LNPEP: variants seen among roughly 807,000 people sequenced by gnomAD.
The protein encoded by LNPEP is leucyl and cystinyl aminopeptidase, also known as leucyl-cystinyl aminopeptidase.
LNPEP carries 64 observed loss-of-function variants against 120.6 expected under a neutral mutation model. The ratio of observed to expected loss-of-function variants is 0.53; its 90% CI spans 0.43 to 0.65. The LOEUF (loss-of-function observed/expected upper bound fraction) is 0.65, where lower values mean the gene tolerates loss of function less well. Among genes scored for constraint, LNPEP ranks in the 30% least tolerant of loss-of-function variants. LNPEP has a pLI of 0.00. For synonymous variants in LNPEP, 435 were observed against 425.4 expected, an observed-to-expected ratio of 1.02 and a Z score of -0.28; for missense variants, 1,057 against 1,200.0, an observed-to-expected ratio of 0.88 and a Z score of 1.76.
chr5:97,024,534 G>A lies in LNPEP; in HGVS notation c.2575G>A (p.Val859Ile). 2.5e-6 allele frequency: 4 copies of A among 1,613,844 alleles called. No individual in the cohort carries two copies. Among genetic ancestry groups the A allele is most frequent in the Non-Finnish European group, 3.4e-6 (4 of 1,179,832 alleles). ...SNGTQSLPTD[V>I]MTTVFKVGAK... ...CCTCTCTTACAGCCTACCTACTGAT[G>A]TCATGACAACTGTGTTCAAAGTTGG... Residue 859 changes from valine to isoleucine, a missense_variant, in exon 15 of 18, where the codon GTC (valine) becomes ATC (isoleucine). By Grantham distance (29) the Val-to-Ile change is conservative. Transcript: ENST00000231368.
rs188088594 is a variant in LNPEP, at chr5:96,946,861, A to G, written c.19+10687A>G. Among the ~76,000 whole-genome samples, 140 of 152,310 alleles carry G rather than the reference A, an allele frequency of 9.2e-4. 1 individual carries two copies. The highest frequency in any genetic ancestry group is 3.2e-3 in the African/African-American group (134 of 41,574). On this transcript the variant is annotated intron_variant, in intron 1 of 17. Coordinates refer to ENST00000231368, the MANE Select transcript of LNPEP (RefSeq NM_005575.3). ...ATCTGGCAAATAAATGTATTCACCA[A>G]CTGAGATTTCTTGTTTAACTCACAA...
At chr5:96,997,919 A>G (rs1385279493) in intron 7 of LNPEP, 95 bp from the exon 8 acceptor site, 3 of 850,894 alleles carry the variant, frequency 3.5e-6, no homozygotes, top group African/African-American at 3.5e-5. Flanking sequence ...TCCTAATGAT[A>G]TTTCACACTA....
chr5:96,982,472 T>G (rs1790149319), intron 2 of LNPEP, among the ~76,000 whole-genome samples: 1 of 152,230 alleles, frequency 6.6e-6, no homozygotes. Flanking sequence ...TTATGTGAGA[T>G]AGTTATGATT....
At chr5:96,963,467 A>G (rs910971367) in intron 1 of LNPEP, among the ~76,000 whole-genome samples, 2 of 152,178 alleles carry the variant, frequency 1.3e-5, no homozygotes, top group Non-Finnish European at 2.9e-5. Flanking sequence ...TTTCACTCAT[A>G]TCTGCCAGTT....
chr5:96,987,297 G>A (rs1419760342), intron 4 of LNPEP, among the ~76,000 whole-genome samples: 2 of 152,090 alleles, frequency 1.3e-5, no homozygotes, highest in Non-Finnish European at 2.9e-5. Context: ...TTTCATAGTA[G>A]AAACCTAATA....
intron 1 of LNPEP, among the ~76,000 whole-genome samples, chr5:96,947,201 G>A (rs1789205668): frequency 6.6e-6 from 1 of 151,976 alleles, no homozygotes; most frequent in Non-Finnish European, 1.5e-5. Context: ...AATCTAACAG[G>A]GGCCCTAAGC....
Position 97,022,513 on chromosome 5 carries a change from A to G in LNPEP, c.2561+29A>G, listed in dbSNP as rs1791228983. 4 of 1,551,774 alleles carry G rather than the reference A, an allele frequency of 2.6e-6. No individual in the cohort carries two copies. In the East Asian group the frequency reaches 9.0e-5, roughly 35 times the overall value. On this transcript the variant is annotated intron_variant, in intron 14 of 17. Transcript: ENST00000231368. ...AAGTATACCTCTACTCAGATGAATT[A>G]TCTTCTTTTTCTTTATTTCACATCA... is the stretch of plus-strand genomic sequence containing the variant.
At chr5:96,980,730 C>T (rs1790102729) in intron 2 of LNPEP, among the ~76,000 whole-genome samples, 1 of 152,106 alleles carries the variant, frequency 6.6e-6, no homozygotes. Flanking sequence ...CTGCTTTATG[C>T]AATTGGAACA....
chr5:96,971,214 T>A (rs1789850807), intron 1 of LNPEP, among the ~76,000 whole-genome samples: 1 of 152,046 alleles, frequency 6.6e-6, no homozygotes, highest in Non-Finnish European at 1.5e-5. Flanking sequence ...GCCTCCACCG[T>A]TGACATGAGA....
chr5:97,021,795 C>T (rs931773979), intron 13 of LNPEP, among the ~76,000 whole-genome samples: 2 of 150,448 alleles, frequency 1.3e-5, no homozygotes, highest in African/African-American at 2.5e-5. Context: ...TCATCCCAGC[C>T]GTATGTGGGT....
intron 13 of LNPEP, among the ~76,000 whole-genome samples, chr5:97,016,294 T>C (rs1791068377): frequency 6.6e-6 from 1 of 152,162 alleles, no homozygotes; most frequent in Non-Finnish European, 1.5e-5. Context: ...GTAGTGACAC[T>C]CAGTAAACGT....
At position 96,986,667 on chromosome 5, in the gene LNPEP, C is replaced by T. The variant is rs1790251295; in HGVS notation, c.1128C>T (p.Thr376=). ...ACCTGAGTCAGGACGTAAATGGAACCCTGGTATGTTGATGTGGTAATTGTC... is the reference window on the plus strand; with the variant it reads ...ACCTGAGTCAGGACGTAAATGGAACTCTGGTATGTTGATGTGGTAATTGTC... The part of the protein sequence containing the change: ...MKNLSQDVNG[T]LVSIYAVPEK... The change falls in exon 4 of 18, where the codon ACC becomes ACT. Residue 376 remains threonine (T), a synonymous_variant. Transcript: ENST00000231368. 6.2e-7 allele frequency: 1 copy of T among 1,613,084 alleles called. No homozygotes were observed. Among genetic ancestry groups the T allele is most frequent in the Non-Finnish European group, 8.5e-7 (1 of 1,179,370 alleles).
intron 11 of LNPEP, among the ~76,000 whole-genome samples, chr5:97,013,217 GAAGAA>G (rs1790982505): frequency 6.6e-6 from 1 of 152,098 alleles, no homozygotes; most frequent in Non-Finnish European, 1.5e-5. Context: ...AGGTCTCTTA[GAAGAA>G]TGACAACTTA....
intron 13 of LNPEP, among the ~76,000 whole-genome samples, chr5:97,015,450 T>C (rs1791044718): frequency 6.6e-6 from 1 of 152,040 alleles, no homozygotes; most frequent in African/African-American, 2.4e-5. Flanking sequence ...TTTCTAGTGG[T>C]CATTATAAAA....
chr5:96,980,069 A>AT (rs574179152), intron 2 of LNPEP, 91 bp downstream of exon 2: 56,635 of 1,053,242 alleles, frequency 0.054, 497 homozygotes, highest in Middle Eastern at 0.094. Context: ...ACGAATTGTG[A>AT]TTTTTTTTTT....
Position 97,036,269 on chromosome 5 carries a change from C to A in LNPEP, c.*7736C>A, listed in dbSNP as rs933043867. 2.8e-5 allele frequency: 4 copies of A among 141,104 alleles called. No homozygotes were observed. Among genetic ancestry groups the A allele is most frequent in the Admixed American group, 1.4e-4 (2 of 13,904 alleles). 8.7% of individuals were successfully genotyped at this position (141,104 alleles called of 1,614,324 possible). ...AAGGAATTTTCTATCTTTCATCCCC[C>A]ACATGTGGCAAGACAAGTTGGCCCT... On this transcript the variant is annotated 3_prime_UTR_variant, in exon 18 of 18. Coordinates refer to ENST00000231368, the MANE Select transcript of LNPEP (RefSeq NM_005575.3).
intron 1 of LNPEP, among the ~76,000 whole-genome samples, chr5:96,966,126 G>A (rs1229335806): frequency 6.6e-6 from 1 of 152,034 alleles, no homozygotes; most frequent in Admixed American, 6.6e-5. Flanking sequence ...GCACTGTAAT[G>A]TTGATTTTTT....
chr5:96,942,477 A>G (rs948345054), intron 1 of LNPEP: 1 of 152,088 alleles, frequency 6.6e-6, no homozygotes, highest in African/African-American at 2.4e-5. Flanking sequence ...AACATGGTGA[A>G]ACCCTGTCTC....
At chr5:97,008,458 C>T (rs1203202171) in intron 11 of LNPEP, among the ~76,000 whole-genome samples, 3 of 146,474 alleles carry the variant, frequency 2.0e-5, no homozygotes, top group African/African-American at 7.6e-5. Flanking sequence ...TCAAGCAATC[C>T]TCCTGCCTCA....
Sources: allele counts gnomAD v4.1 joint callset (sites outside exome capture counted in the v4.1 genomes callset), GRCh38; gene constraint gnomAD v4.1.1; transcripts MANE v1.5; gene names NCBI Gene and HGNC (gene_info 2026-07-23, HGNC 2026-07-21).